Variants in CDC42EP3 observed in about 807,000 individuals in gnomAD.
CDC42EP3 encodes CDC42 effector protein (Rho GTPase binding) 3.
CDC42EP3 carries 4 observed loss-of-function variants against 15.5 expected under a neutral mutation model. The observed-to-expected ratio is 0.26, with a 90% CI of 0.13 to 0.59. The LOEUF is 0.59. CDC42EP3 is among the 20% of genes least tolerant of loss of function. CDC42EP3 has a pLI of 0.89. For missense variants in CDC42EP3, 309 were observed against 311.2 expected, an observed-to-expected ratio of 0.99 and a Z score of 0.05; for synonymous variants, 145 against 130.3, an observed-to-expected ratio of 1.11 and a Z score of -0.77.
rs1280310581 is a variant in CDC42EP3, at chr2:37,644,988, T to C, written c.*835A>G. On this transcript the variant is annotated 3_prime_UTR_variant, in exon 2 of 2. Coordinates refer to ENST00000295324, the MANE Select transcript of CDC42EP3 (RefSeq NM_006449.5). ...ATGAGTAACCTGTGCCTTTACACTT[T>C]ACAATCCGTTATTGGTTGCTGTTAA... 2 of 152,196 alleles carry C rather than the reference T, an allele frequency of 1.3e-5. No individual in the cohort carries two copies. The highest frequency in any genetic ancestry group is 4.8e-5 in the African/African-American group (2 of 41,436). The allele number at this position is 152,196 out of a possible 1,614,324, so 9.4% of individuals were successfully genotyped here. A position where few individuals can be genotyped will look rare whatever the true frequency, so the allele number is the denominator to read the frequency against.
At chr2:37,668,556 G>GT (rs1225335319) in intron 1 of CDC42EP3, among the ~76,000 whole-genome samples, 10 of 152,014 alleles carry the variant, frequency 6.6e-5, no homozygotes, top group South Asian at 6.2e-4. Context: ...CAGAAGTTCA[G>GT]TTTTTTTTCC....
chr2:37,647,756 G>A (rs1359786003), intron 1 of CDC42EP3: 1 of 152,302 alleles, frequency 6.6e-6, no homozygotes, highest in Non-Finnish European at 1.5e-5. Flanking sequence ...TTACATTATA[G>A]GAGATTTCAT....
At chr2:37,660,329 A>C (rs1175784577) in intron 1 of CDC42EP3, among the ~76,000 whole-genome samples, 1 of 152,208 alleles carries the variant, frequency 6.6e-6, no homozygotes, top group East Asian at 1.9e-4. Context: ...GCTTGATTAG[A>C]AGTTAATTCC....
Position 37,643,638 on chromosome 2 carries a change from A to G in CDC42EP3, c.*2185T>C, listed in dbSNP as rs1256786242. The G allele has an allele frequency of 6.6e-6, 1 of 152,252 alleles. No individual in the cohort carries two copies. 9.4% of individuals were successfully genotyped at this position (152,252 alleles called of 1,614,324 possible). ...ATAGTTTCATCTTTACCTTGAGGTC[A>G]CGCTACAGATGAAGAGTAAAATGAA... On this transcript the variant is annotated 3_prime_UTR_variant, in exon 2 of 2. Transcript: ENST00000295324.
intron 1 of CDC42EP3, among the ~76,000 whole-genome samples, chr2:37,657,530 C>T (rs948485317): frequency 6.6e-6 from 1 of 152,172 alleles, no homozygotes; most frequent in African/African-American, 2.4e-5. Flanking sequence ...ACAGAGCCTC[C>T]TCTTGAGCTG....
At position 37,642,441 on chromosome 2, in the gene CDC42EP3, C is replaced by T. The variant is rs1369115837; in HGVS notation, c.*3382G>A. 1 of 152,116 alleles carries T rather than the reference C, an allele frequency of 6.6e-6. No homozygotes were observed. Among genetic ancestry groups the T allele is most frequent in the East Asian group, 1.9e-4 (1 of 5,188 alleles). 9.4% of individuals were successfully genotyped at this position (152,116 alleles called of 1,614,324 possible). ...TCTAGTGGGTGGCTTACTGACTTGC[C>T]TAAGAAAAAATAAGTCAATCATTCA... On this transcript the variant is annotated 3_prime_UTR_variant, in exon 2 of 2. Transcript: ENST00000295324.
intron 1 of CDC42EP3, among the ~76,000 whole-genome samples, chr2:37,649,372 T>C (rs1437744220): frequency 5.2e-5 from 7 of 135,760 alleles, no homozygotes; most frequent in African/African-American, 1.9e-4. Context: ...GGAGGACTGG[T>C]TGAGCCCAGG....
Position 37,646,076 on chromosome 2 carries a change from G to C in CDC42EP3, c.512C>G (p.Ser171Trp), listed in dbSNP as rs764227532. ...ENGTVHQGDT[S>W]WGSSGSASQS... is the part of the protein sequence containing the mutation. The stretch of plus-strand genomic sequence containing the variant: ...AGATGCAGAACCGCTGGAGCCCCAC[G>C]AGGTGTCTCCCTGGTGGACTGTCCC... The change falls in exon 2 of 2, where the codon TCG becomes TGG. Residue 171 changes from serine to tryptophan, a missense_variant. Coordinates refer to ENST00000295324, the MANE Select transcript of CDC42EP3 (RefSeq NM_006449.5). 1.2e-6 allele frequency: 2 copies of C among 1,614,064 alleles called. No homozygotes were observed. The highest frequency in any genetic ancestry group is 2.7e-5 in the African/African-American group (2 of 74,922).
intron 1 of CDC42EP3, among the ~76,000 whole-genome samples, chr2:37,666,064 G>A (rs1011009011): frequency 1.6e-4 from 25 of 152,226 alleles, no homozygotes; most frequent in Non-Finnish European, 3.7e-4. Context: ...AGTTTTATCA[G>A]CGTTTGCCAG....
At chr2:37,649,482 A>T (rs1292692073) in intron 1 of CDC42EP3, among the ~76,000 whole-genome samples, 2 of 109,416 alleles carry the variant, frequency 1.8e-5, no homozygotes, top group African/African-American at 6.2e-5. Flanking sequence ...AAAAAAAAAA[A>T]TCCCATGAAA....
chr2:37,662,935 C>A (rs904753583), intron 1 of CDC42EP3, among the ~76,000 whole-genome samples: 1 of 152,122 alleles, frequency 6.6e-6, no homozygotes. Flanking sequence ...GAGGCCGAGG[C>A]GGGCGGATCG....
intron 1 of CDC42EP3, among the ~76,000 whole-genome samples, chr2:37,664,322 C>T (rs6544100): frequency 3.3e-5 from 5 of 151,990 alleles, no homozygotes; most frequent in African/African-American, 7.2e-5. Flanking sequence ...CCTGGACTTA[C>T]ACCAGTGGTT....
At chr2:37,672,302 G>A (rs1304778858), upstream of CDC42EP3, 2 of 152,544 alleles carry the variant, frequency 1.3e-5, no homozygotes, top group Admixed American at 1.3e-4. Context: ...CGGAGCTCCC[G>A]GCTGAGCAAC....
chr2:37,657,431 G>A (rs1248583283), intron 1 of CDC42EP3, among the ~76,000 whole-genome samples: 5 of 152,166 alleles, frequency 3.3e-5, no homozygotes. Flanking sequence ...CAGGTGGCTG[G>A]TGAGCTCAAA....
intron 1 of CDC42EP3, among the ~76,000 whole-genome samples, chr2:37,661,130 CGTGTGTGTATA>C (rs1405722426): frequency 1.6e-5 from 2 of 125,856 alleles, no homozygotes; most frequent in Admixed American, 8.1e-5. Context: ...TGTGTGTGTG[CGTGTGTGTATA>C]GTGTGTGTAT....
chr2:37,672,060 C>A (rs1198676373), upstream of CDC42EP3: 3 of 152,296 alleles, frequency 2.0e-5, no homozygotes, highest in Non-Finnish European at 4.4e-5. Context: ...CGTGCGCCCA[C>A]CTCTCCCGAT....
At position 37,645,740 on chromosome 2, in the gene CDC42EP3, T is replaced by TA; in HGVS notation, c.*82dup. The TA allele has an allele frequency of 9.0e-7, 1 of 1,106,726 alleles. No individual in the cohort carries two copies. The highest frequency in any genetic ancestry group is 1.6e-5 in the African/African-American group (1 of 64,010). 68.6% of individuals were successfully genotyped at this position (1,106,726 alleles called of 1,614,324 possible). A position where few individuals can be genotyped will look rare whatever the true frequency, so the allele number is the denominator to read the frequency against. ...AGAAAACCCAACACAAAACTGCAAA[T>TA]ACAGCTCCGGAAGCCCTTCTCTTCA... is the stretch of plus-strand genomic sequence containing the variant. On this transcript the variant is annotated 3_prime_UTR_variant, in exon 2 of 2. Transcript: ENST00000295324.
At chr2:37,660,120 T>G (rs1666009628) in intron 1 of CDC42EP3, among the ~76,000 whole-genome samples, 1 of 152,236 alleles carries the variant, frequency 6.6e-6, no homozygotes, top group Admixed American at 6.5e-5. Context: ...AGGCATTATC[T>G]TTTCCCCAAA....
chr2:37,672,467 C>G (rs1446923666), upstream of CDC42EP3: 1 of 152,148 alleles, frequency 6.6e-6, no homozygotes, highest in African/African-American at 2.4e-5. Flanking sequence ...GCGCAGCTGC[C>G]GGCCCGAGAG....
Sources: allele counts gnomAD v4.1 joint callset (sites outside exome capture counted in the v4.1 genomes callset), GRCh38; gene constraint gnomAD v4.1.1; transcripts MANE v1.5; gene names NCBI Gene and HGNC (gene_info 2026-07-23, HGNC 2026-07-21).